The following API5 variants were observed in gnomAD, a reference collection of about 807,000 sequenced individuals.
API5 encodes apoptosis inhibitor 5, also known as FIF.
Under a neutral mutation model 71.9 loss-of-function variants are expected in API5, and 6 were observed. The observed-to-expected ratio is 0.08, with a 90% CI of 0.05 to 0.16. The LOEUF is 0.16. API5 is among the 10% of genes least tolerant of loss of function. The probability of loss-of-function intolerance (pLI) is 1.00; values close to 1 mark genes in which losing one functional copy is unlikely to be tolerated. For missense variants in API5, 332 were observed against 612.8 expected (o/e 0.54, Z 4.84); for synonymous variants, 189 against 221.3 (o/e 0.85, Z 1.30).
At chr11:43,334,491 G>A (rs1461706693) in intron 11 of API5, among the ~76,000 whole-genome samples, 7 of 151,972 alleles carry the variant, frequency 4.6e-5, no homozygotes, top group East Asian at 1.9e-4. Context: ...TACCAGGGAC[G>A]ATTTTTTATT....
chr11:43,329,521 C>T (rs1164083844), intron 9 of API5, among the ~76,000 whole-genome samples: 1 of 152,140 alleles, frequency 6.6e-6, no homozygotes, highest in Non-Finnish European at 1.5e-5. Flanking sequence ...TAGTACCTAC[C>T]TCATAGAGTT....
chr11:43,326,444 C>T (rs960427036), intron 6 of API5, 63 bp from the exon 7 acceptor site: 2 of 1,040,188 alleles, frequency 1.9e-6, no homozygotes, highest in Admixed American at 1.8e-5. Flanking sequence ...GAATGAAATT[C>T]TGCTATAATA....
At position 43,315,135 on chromosome 11, in the gene API5, C is replaced by G. The variant is rs182727270; in HGVS notation, c.69+2939C>G. ...CAGAGAGGTGAGCACTACAGGTGTTCTGATTGCTGCCACTACAGACTATTC... is the reference window on the plus strand; with the variant it reads ...CAGAGAGGTGAGCACTACAGGTGTTGTGATTGCTGCCACTACAGACTATTC... On this transcript the variant is annotated intron_variant, in intron 1 of 13. Coordinates refer to ENST00000531273, the MANE Select transcript of API5 (RefSeq NM_001142930.2). Among the ~76,000 whole-genome samples the G allele has an allele frequency of 2.5e-4, 38 of 152,270 alleles. 1 individual carries two copies. Among genetic ancestry groups the G allele is most frequent in the Admixed American group, 1.7e-3 (26 of 15,284 alleles).
chr11:43,320,238 G>T (rs545761751), intron 2 of API5, among the ~76,000 whole-genome samples: 4 of 151,606 alleles, frequency 2.6e-5, no homozygotes, highest in African/African-American at 7.3e-5. Flanking sequence ...TACGGACAGG[G>T]TTTCACCATA....
chr11:43,341,545 T>C (rs548473835), intron 13 of API5, among the ~76,000 whole-genome samples: 77 of 152,214 alleles, frequency 5.1e-4, no homozygotes, highest in African/African-American at 1.6e-3. Context: ...GTTAATCTTA[T>C]AGAAGTAAAA....
chr11:43,333,097 G>T, intron 11 of API5, among the ~76,000 whole-genome samples: 1 of 152,136 alleles, frequency 6.6e-6, no homozygotes, highest in East Asian at 1.9e-4. Context: ...AATTATTGGA[G>T]CTATGAGCCA....
At position 43,343,133 on chromosome 11, in the gene API5, T is replaced by C. The variant is rs919344575; in HGVS notation, c.*623T>C. The C allele has an allele frequency of 1.3e-5, 2 of 156,686 alleles. No homozygotes were observed. Among genetic ancestry groups the C allele is most frequent in the African/African-American group, 4.8e-5 (2 of 41,478 alleles). 9.7% of individuals were successfully genotyped at this position (156,686 alleles called of 1,614,324 possible). ...ATATTGTGATACAAACTTTTGAATA[T>C]GGAATCTTACTATTTGAATAGAAAT... On this transcript the variant is annotated 3_prime_UTR_variant, in exon 14 of 14. Transcript: ENST00000531273.
At chr11:43,312,780 G>T (rs1364907336) in intron 1 of API5, among the ~76,000 whole-genome samples, 1 of 152,134 alleles carries the variant, frequency 6.6e-6, no homozygotes, top group Non-Finnish European at 1.5e-5. Flanking sequence ...CGCTCTCCCA[G>T]AATGTACAGT....
At chr11:43,321,379 T>C (rs1020055278) in intron 3 of API5, 32 bp from the exon 4 acceptor site, 4 of 1,554,088 alleles carry the variant, frequency 2.6e-6, no homozygotes, top group Non-Finnish European at 3.5e-6. Context: ...AAATTTGTTT[T>C]ATATTCATTA....
chr11:43,327,937 T>C, intron 8 of API5, 59 bp downstream of exon 8: 1 of 1,043,894 alleles, frequency 9.6e-7, no homozygotes, highest in Non-Finnish European at 1.4e-6. Flanking sequence ...GTCTAATTTA[T>C]TATTAATTTC....
chr11:43,318,810 A>T lies in API5; in HGVS notation c.231+9A>T. 16 of 1,608,976 alleles carry T rather than the reference A, an allele frequency of 9.9e-6. No individual in the cohort carries two copies. Among genetic ancestry groups the T allele is most frequent in the African/African-American group, 1.3e-5 (1 of 74,990 alleles). ...AGGATGAAGATGTATCTGTAAGTTT[A>T]TGAATGACACTTCATAGCAATCTTT... On this transcript the variant is annotated intron_variant, in intron 2 of 13. Coordinates refer to ENST00000531273, the MANE Select transcript of API5 (RefSeq NM_001142930.2).
chr11:43,342,452 G>C lies in API5; in HGVS notation c.1517G>C (p.Ser506Thr). Residue 506 changes from serine to threonine, a missense_variant, in exon 14 of 14, where the codon AGT becomes ACT. Physicochemically the swap from Ser to Thr is moderately conservative, Grantham distance 58 (BLOSUM62 1). Coordinates refer to ENST00000531273, the MANE Select transcript of API5 (RefSeq NM_001142930.2). ...NYEQRGAFRG[S>T]RGGRGWGTRG... The stretch of plus-strand genomic sequence containing the variant: ...GAGCAGAGAGGAGCCTTCAGGGGAA[G>C]TAGAGGTGGCCGAGGTTGGGGCACA... The C allele has an allele frequency of 6.2e-7, 1 of 1,612,042 alleles. No homozygotes were observed.
Position 43,330,670 on chromosome 11 carries a change from A to T in API5, c.1278+106A>T. The stretch of plus-strand genomic sequence containing the variant: ...ACTTCCAACAAAGGGAGGCATGCAA[A>T]CTTCTTCTGGCTCAAAGCATTGAAA... On this transcript the variant is annotated intron_variant, in intron 11 of 13. Coordinates refer to ENST00000531273, the MANE Select transcript of API5 (RefSeq NM_001142930.2). The T allele has an allele frequency of 5.8e-6, 5 of 866,088 alleles. No homozygotes were observed. The Admixed American group carries it at 1.2e-4, about 21-fold the overall frequency. 53.7% of individuals were successfully genotyped at this position (866,088 alleles called of 1,614,324 possible). A position where few individuals can be genotyped will look rare whatever the true frequency, so the allele number is the denominator to read the frequency against.
intron 11 of API5, 82 bp downstream of exon 11, chr11:43,330,646 CTT>C: frequency 8.8e-7 from 1 of 1,132,598 alleles, no homozygotes; most frequent in Admixed American, 2.1e-5. Context: ...GCATAAGATA[CTT>C]CCAACAAAGG....
At chr11:43,315,333 TTTTA>T (rs1374323385) in intron 1 of API5, among the ~76,000 whole-genome samples, 6 of 152,210 alleles carry the variant, frequency 3.9e-5, no homozygotes, top group East Asian at 1.9e-4. Flanking sequence ...TTGTATTTTA[TTTTA>T]TTTATTTCTG....
chr11:43,323,079 T>C (rs887647794), intron 5 of API5, among the ~76,000 whole-genome samples: 2 of 152,080 alleles, frequency 1.3e-5, no homozygotes, highest in African/African-American at 4.8e-5. Flanking sequence ...TTAAAGTCAC[T>C]CCCCTAAATA....
chr11:43,324,144 A>G (rs1053760063), intron 6 of API5, among the ~76,000 whole-genome samples: 6 of 152,092 alleles, frequency 3.9e-5, no homozygotes, highest in Non-Finnish European at 8.8e-5. Flanking sequence ...CAGCCTCCCA[A>G]GTAGCTGCTA....
intron 2 of API5, among the ~76,000 whole-genome samples, chr11:43,319,817 A>T (rs1308764944): frequency 1.3e-5 from 2 of 152,228 alleles, no homozygotes; most frequent in African/African-American, 4.8e-5. Context: ...CAATACTGAA[A>T]ATTCTAAAGT....
intron 11 of API5, among the ~76,000 whole-genome samples, chr11:43,331,862 C>T (rs1420511570): frequency 6.6e-6 from 1 of 152,066 alleles, no homozygotes; most frequent in Non-Finnish European, 1.5e-5. Flanking sequence ...ATACTAATCT[C>T]CTAAGGAAAT....
Sources: gnomAD v4.1 joint callset for allele counts (sites outside exome capture counted in the v4.1 genomes callset) on GRCh38, gnomAD v4.1.1 for gene constraint, MANE v1.5 for transcripts, NCBI Gene and HGNC (gene_info 2026-07-23, HGNC 2026-07-21) for gene names.